Variants in MAP2K5 observed in about 807,000 individuals in gnomAD.
The protein encoded by MAP2K5 is dual specificity mitogen-activated protein kinase kinase 5.
MAP2K5 carries 49 observed loss-of-function variants against 83.1 expected under a neutral mutation model. The observed-to-expected ratio is 0.59, with a 90% CI of 0.47 to 0.75. The LOEUF (loss-of-function observed/expected upper bound fraction) is 0.75. Ranked by LOEUF, MAP2K5 falls within the 30% of genes least tolerant of loss-of-function variation. The probability of loss-of-function intolerance (pLI) is 0.00; values close to 1 mark genes in which losing one functional copy is unlikely to be tolerated. For synonymous variants in MAP2K5, 202 were observed against 191.8 expected (o/e 1.05, Z -0.44); for missense variants, 457 against 557.5 (o/e 0.82, Z 1.82).
chr15:67,650,710 T>C (rs1026430990), intron 11 of MAP2K5, among the ~76,000 whole-genome samples: 1 of 152,174 alleles, frequency 6.6e-6, no homozygotes, highest in Non-Finnish European at 1.5e-5. Flanking sequence ...ATTCTTTTTA[T>C]ATGTTCCTGG....
At chr15:67,588,127 T>C (rs2141005888) in intron 6 of MAP2K5, 1 of 985,020 alleles carries the variant, frequency 1.0e-6, no homozygotes, top group Non-Finnish European at 1.2e-6. Context: ...GTAACCTCCA[T>C]AGCAGGTGAG....
chr15:67,586,766 A>C, intron 5 of MAP2K5, 80 bp from the exon 6 acceptor site: 1 of 1,322,604 alleles, frequency 7.6e-7, no homozygotes, highest in Non-Finnish European at 1.1e-6. Flanking sequence ...GTGAAATGAG[A>C]AATTTGTGGC....
At chr15:67,649,530 A>G (rs1417362069) in intron 11 of MAP2K5, among the ~76,000 whole-genome samples, 3 of 152,046 alleles carry the variant, frequency 2.0e-5, no homozygotes, top group Non-Finnish European at 4.4e-5. Flanking sequence ...TAGGGGTCCA[A>G]ATTTATTCGT....
intron 8 of MAP2K5, among the ~76,000 whole-genome samples, chr15:67,616,380 A>C (rs940892689): frequency 1.3e-5 from 2 of 152,140 alleles, no homozygotes; most frequent in African/African-American, 4.8e-5. Flanking sequence ...TTAGACAATG[A>C]TTTATTTGTC....
chr15:67,642,319 C>T, intron 9 of MAP2K5: 1 of 799,514 alleles, frequency 1.3e-6, no homozygotes, highest in Non-Finnish European at 2.0e-6. Context: ...GAGTTAGACC[C>T]TGTGTGGAGT....
chr15:67,709,489 A>AC (rs2088638135), intron 16 of MAP2K5, among the ~76,000 whole-genome samples: 1 of 151,840 alleles, frequency 6.6e-6, no homozygotes, highest in Non-Finnish European at 1.5e-5. Context: ...AAAAAAAAAA[A>AC]AAAAACTACA....
chr15:67,742,313 C>T (rs1415978846), intron 17 of MAP2K5, among the ~76,000 whole-genome samples: 2 of 152,178 alleles, frequency 1.3e-5, no homozygotes, highest in Non-Finnish European at 2.9e-5. Flanking sequence ...TGAATTTCTA[C>T]ATTAGGCAAA....
intron 2 of MAP2K5, among the ~76,000 whole-genome samples, chr15:67,553,852 G>A (rs2084564021): frequency 1.5e-5 from 2 of 137,774 alleles, no homozygotes; most frequent in African/African-American, 5.4e-5. Flanking sequence ...AGCGGAGCTT[G>A]CAGTGAGCCG....
At chr15:67,550,331 C>T (rs2084482874) in intron 2 of MAP2K5, among the ~76,000 whole-genome samples, 1 of 152,222 alleles carries the variant, frequency 6.6e-6, no homozygotes. Context: ...TGACCTTTAT[C>T]TGCTCTTGCT....
chr15:67,754,445 C>T (rs1386703524), intron 19 of MAP2K5, among the ~76,000 whole-genome samples: 1 of 152,126 alleles, frequency 6.6e-6, no homozygotes, highest in East Asian at 1.9e-4. Context: ...CTTCAAGGGA[C>T]ATTTATTGAG....
At position 67,806,675 on chromosome 15, in the gene MAP2K5, T is replaced by C. The variant is rs780978716; in HGVS notation, c.1272T>C (p.Asp424=). Residue 424 remains aspartate (D), a synonymous_variant, in exon 22 of 22, where the codon GAT becomes GAC. Coordinates refer to ENST00000178640, the MANE Select transcript of MAP2K5 (RefSeq NM_145160.3). ...ACCCGTTCATCGTGCAGTTCAATGATGGAAATGCCGCCGTGGTGTCCATGT... is the reference window on the plus strand; with the variant it reads ...ACCCGTTCATCGTGCAGTTCAATGACGGAAATGCCGCCGTGGTGTCCATGT... The part of the protein sequence containing the change: ...MGHPFIVQFN[D]GNAAVVSMWV... The C allele has an allele frequency of 3.9e-5, 61 of 1,551,222 alleles. 2 individuals are homozygous for C. In the South Asian group the frequency reaches 6.8e-4, roughly 17 times the overall value.
rs530247412 is a variant in MAP2K5, at chr15:67,628,774, T to C, written c.546-2114T>C. The C allele has an allele frequency of 5.4e-4, 411 of 756,550 alleles. No homozygotes were observed. The African/African-American group carries it at 6.1e-3, about 11-fold the overall frequency. The allele number at this position is 756,550 out of a possible 1,614,324, so 46.9% of individuals were successfully genotyped here. ...GAGGTCGAAGTGGCTCTGGAAACTT[T>C]GGTGGTGGTTGTGGAGGTGTTTTTA... On this transcript the variant is annotated intron_variant, in intron 8 of 21. Coordinates refer to ENST00000178640, the MANE Select transcript of MAP2K5 (RefSeq NM_145160.3).
chr15:67,574,035 C>G (rs1408197498), intron 3 of MAP2K5, among the ~76,000 whole-genome samples: 1 of 152,172 alleles, frequency 6.6e-6, no homozygotes, highest in Non-Finnish European at 1.5e-5. Flanking sequence ...TCTTAATAAA[C>G]TTGCTTTCAC....
At chr15:67,613,673 C>G (rs1419341145) in intron 8 of MAP2K5, among the ~76,000 whole-genome samples, 1 of 151,674 alleles carries the variant, frequency 6.6e-6, no homozygotes, top group Non-Finnish European at 1.5e-5. Context: ...GACTTGTCAA[C>G]AGTATTGTGG....
rs2089673192 is a variant in MAP2K5 at position 67,749,444 on chromosome 15, G to A, written c.1134+843G>A. 6.6e-6 allele frequency among the ~76,000 whole-genome samples: 1 copy of A among 152,086 alleles called. No individual in the cohort carries two copies. Among genetic ancestry groups the A allele is most frequent in the Non-Finnish European group, 1.5e-5 (1 of 68,032 alleles). On this transcript the variant is annotated intron_variant, in intron 19 of 21. Coordinates refer to ENST00000178640, the MANE Select transcript of MAP2K5 (RefSeq NM_145160.3). This position sits in a 1 kb window ranked among gnomAD's most constrained non-coding sequence, Gnocchi z 4.6. ...AATATTTAAAACAGTTGTAATTAGA[G>A]AGGGAAGGCAGTAAATGATTCAGAT...
intron 3 of MAP2K5, among the ~76,000 whole-genome samples, chr15:67,575,054 G>A (rs527652632): frequency 1.3e-5 from 2 of 152,218 alleles, no homozygotes; most frequent in South Asian, 2.1e-4. Flanking sequence ...ATAGGGGATA[G>A]GAGAGGAAAT....
chr15:67,686,940 T>C (rs2087973805), intron 13 of MAP2K5, among the ~76,000 whole-genome samples: 1 of 152,140 alleles, frequency 6.6e-6, no homozygotes, highest in African/African-American at 2.4e-5. Context: ...AATGCAAAGA[T>C]TGGTTTGAGG....
Position 67,785,178 on chromosome 15 carries a change from C to T in MAP2K5, c.1242+12426C>T, listed in dbSNP as rs773722145. ...CAGGCTGGTCTCAAACTCCTGACCT[C>T]AAGTGATCCGCCTGCCTGGGCCTCT... On this transcript the variant is annotated intron_variant, in intron 21 of 21. Coordinates refer to ENST00000178640, the MANE Select transcript of MAP2K5 (RefSeq NM_145160.3). The surrounding 1 kb of genome is among the most constrained non-coding windows in gnomAD (Gnocchi z 4.4). Among the ~76,000 whole-genome samples the T allele has an allele frequency of 1.3e-5, 2 of 152,168 alleles. No homozygotes were observed. The highest frequency in any genetic ancestry group is 4.8e-5 in the African/African-American group (2 of 41,430).
rs1429810864 is a variant in MAP2K5 at position 67,783,466 on chromosome 15, G to A, written c.1242+10714G>A. Among the ~76,000 whole-genome samples, 2 of 152,148 alleles carry A rather than the reference G, an allele frequency of 1.3e-5. No homozygotes were observed. Among genetic ancestry groups the A allele is most frequent in the Non-Finnish European group, 2.9e-5 (2 of 68,028 alleles). Reference sequence around the variant, plus strand: ...CCAGATGGTGAACTTCTCCACCTCCGAAACCCAACTGGCACAACCTCTGTG... The same window carrying A: ...CCAGATGGTGAACTTCTCCACCTCCAAAACCCAACTGGCACAACCTCTGTG... On this transcript the variant is annotated intron_variant, in intron 21 of 21. Transcript: ENST00000178640. The surrounding 1 kb of genome is among the most constrained non-coding windows in gnomAD (Gnocchi z 5.1).
Sources: gnomAD v4.1 joint callset for allele counts (sites outside exome capture counted in the v4.1 genomes callset) on GRCh38, gnomAD v4.1.1 for gene constraint, Gnocchi (gnomAD v3.1) non-coding constraint, MANE v1.5 for transcripts, NCBI Gene and HGNC (gene_info 2026-07-23, HGNC 2026-07-21) for gene names.